Variants in ZNF831 observed in about 807,000 individuals in gnomAD.
The protein encoded by ZNF831 is chromosome 20 open reading frame 174.
ZNF831 carries 59 observed loss-of-function variants against 95.8 expected under a neutral mutation model. That is an observed-to-expected ratio of 0.62 (90% CI 0.50 to 0.77). The LOEUF is 0.77. ZNF831 is among the 30% of genes least tolerant of loss of function. ZNF831 has a pLI of 0.00. For synonymous variants in ZNF831, 961 were observed against 925.5 expected (o/e 1.04, Z -0.70); for missense variants, 2,205 against 2,164.0 (o/e 1.02, Z -0.38).
At position 59,136,653 on chromosome 20, in the gene ZNF831, T is replaced by C. The variant is rs556040278; in HGVS notation, c.-1424-9578T>C. On this transcript the variant is annotated intron_variant, in intron 1 of 7. Transcript: ENST00000637017. ...CCCCTCCTCTGAGCTTTCATCCTGA[T>C]ATTTGGCTCATTCTAGGATAAAATG... 2.6e-5 allele frequency among the ~76,000 whole-genome samples: 4 copies of C among 152,350 alleles called. No individual in the cohort carries two copies. In the East Asian group the frequency reaches 7.7e-4, roughly 29 times the overall value.
intron 1 of ZNF831, among the ~76,000 whole-genome samples, chr20:59,131,507 G>T (rs1201172314): frequency 2.0e-5 from 3 of 152,202 alleles, no homozygotes; most frequent in South Asian, 2.1e-4. Flanking sequence ...AGTGTGTCTG[G>T]CTCCAGAAGT....
intron 1 of ZNF831, among the ~76,000 whole-genome samples, chr20:59,141,504 C>A (rs971190233): frequency 6.6e-6 from 1 of 152,180 alleles, no homozygotes; most frequent in African/African-American, 2.4e-5. Context: ...TGCTTTTGCA[C>A]CTTTGTCAAA....
chr20:59,253,151 A>T lies in ZNF831; in HGVS notation c.4188+13A>T, dbSNP rs751167405. 6.2e-7 allele frequency: 1 copy of T among 1,613,668 alleles called. No homozygotes were observed. On this transcript the variant is annotated intron_variant, in intron 5 of 5. Coordinates refer to ENST00000371030, the MANE Select transcript of ZNF831 (RefSeq NM_178457.3). ...ACGAACTGTGAAGGTGGGCATGATG[A>T]TTTTGAGCTGCCTCTACCTATTCCT...
intron 4 of ZNF831, among the ~76,000 whole-genome samples, chr20:59,252,547 A>G (rs1486284030): frequency 6.6e-6 from 1 of 152,194 alleles, no homozygotes; most frequent in East Asian, 1.9e-4. Context: ...CCAGCACTCT[A>G]GTGGGAATTA....
At chr20:59,132,816 C>G (rs902182265) in intron 1 of ZNF831, among the ~76,000 whole-genome samples, 1 of 152,264 alleles carries the variant, frequency 6.6e-6, no homozygotes, top group African/African-American at 2.4e-5. Flanking sequence ...GCTTCTCCAG[C>G]CTTGCTGGCC....
chr20:59,128,961 C>T (rs1464888502), intron 1 of ZNF831, among the ~76,000 whole-genome samples: 1 of 152,068 alleles, frequency 6.6e-6, no homozygotes, highest in East Asian at 1.9e-4. Flanking sequence ...GGGGTTTCAC[C>T]CGTTGTTGGC....
chr20:59,133,971 C>G (rs1275957407), intron 1 of ZNF831, among the ~76,000 whole-genome samples: 2 of 152,186 alleles, frequency 1.3e-5, no homozygotes, highest in African/African-American at 2.4e-5. Context: ...TGGGCTTGGC[C>G]CATGGTGGGG....
Position 59,207,024 on chromosome 20 carries a change from G to A in ZNF831, c.3995G>A (p.Arg1332Lys). The A allele has an allele frequency of 6.2e-7, 1 of 1,614,220 alleles. No individual in the cohort carries two copies. The highest frequency in any genetic ancestry group is 8.5e-7 in the Non-Finnish European group (1 of 1,180,048). The change falls in exon 4 of 6, where the codon AGG becomes AAG. Residue 1332 changes from arginine to lysine, a missense_variant. By Grantham distance (26) the Arg-to-Lys change is conservative. Transcript: ENST00000371030. Reference sequence around the variant, plus strand: ...GCACTTGAGGGACTGAAGCCATGCAGGACCCCTGGGCAGACCTCTTCAGAA... The same window carrying A: ...GCACTTGAGGGACTGAAGCCATGCAAGACCCCTGGGCAGACCTCTTCAGAA... ...PPALEGLKPC[R>K]TPGQTSSEIA...
At chr20:59,176,382 T>G (rs566023033) in intron 1 of ZNF831, among the ~76,000 whole-genome samples, 2 of 152,318 alleles carry the variant, frequency 1.3e-5, no homozygotes, top group South Asian at 4.1e-4. Flanking sequence ...TTGATTATGT[T>G]GGTTGTTACA....
intron 4 of ZNF831, among the ~76,000 whole-genome samples, chr20:59,219,590 C>T (rs562720581): frequency 5.3e-5 from 8 of 152,198 alleles, no homozygotes; most frequent in Non-Finnish European, 8.8e-5. Flanking sequence ...ATGCTTCCGA[C>T]GCTCACCCCA....
chr20:59,184,127 A>G (rs1011359080), intron 1 of ZNF831, among the ~76,000 whole-genome samples: 3 of 152,162 alleles, frequency 2.0e-5, no homozygotes, highest in Admixed American at 6.5e-5. Flanking sequence ...CACACAAGAC[A>G]AAGTCTTTTC....
At chr20:59,134,773 G>A (rs1359120138) in intron 1 of ZNF831, among the ~76,000 whole-genome samples, 6 of 152,198 alleles carry the variant, frequency 3.9e-5, no homozygotes, top group Non-Finnish European at 8.8e-5. Flanking sequence ...GGAGCCACAT[G>A]GGTTGGGGTG....
chr20:59,142,168 G>T (rs1979703580), intron 1 of ZNF831, among the ~76,000 whole-genome samples: 1 of 152,208 alleles, frequency 6.6e-6, no homozygotes. Context: ...GTTGAGTGAT[G>T]GGTAGTAGAG....
intron 1 of ZNF831, among the ~76,000 whole-genome samples, chr20:59,165,306 G>GAGA (rs1981171392): frequency 6.6e-6 from 1 of 152,154 alleles, no homozygotes. Context: ...AGAGAACCAA[G>GAGA]ACTGTAAAAG....
At chr20:59,227,147 C>A (rs1164023278) in intron 4 of ZNF831, among the ~76,000 whole-genome samples, 2 of 152,142 alleles carry the variant, frequency 1.3e-5, no homozygotes, top group East Asian at 3.9e-4. Flanking sequence ...TTTTTCTAAA[C>A]CAATTTTCTC....
intron 4 of ZNF831, among the ~76,000 whole-genome samples, chr20:59,247,825 T>TA (rs1481579676): frequency 1.3e-5 from 2 of 152,342 alleles, no homozygotes; most frequent in South Asian, 2.1e-4. Context: ...TCAAATTACT[T>TA]ACATTTTTAG....
At chr20:59,162,902 G>A (rs1303659624), upstream of ZNF831, among the ~76,000 whole-genome samples, 1 of 152,066 alleles carries the variant, frequency 6.6e-6, no homozygotes, top group East Asian at 1.9e-4. Flanking sequence ...ATGATATTGA[G>A]TCTTATAATC....
At chr20:59,172,651 T>C (rs1469673367) in intron 1 of ZNF831, among the ~76,000 whole-genome samples, 1 of 152,166 alleles carries the variant, frequency 6.6e-6, no homozygotes, top group Admixed American at 6.5e-5. Flanking sequence ...CCGGCCTCAC[T>C]AAATGCAGGT....
intron 4 of ZNF831, among the ~76,000 whole-genome samples, chr20:59,215,955 A>G (rs1985650444): frequency 6.6e-6 from 1 of 152,206 alleles, no homozygotes; most frequent in African/African-American, 2.4e-5. Context: ...CCTTCTGCTA[A>G]AAAGAGATTT....
Sources: allele counts gnomAD v4.1 joint callset (sites outside exome capture counted in the v4.1 genomes callset), GRCh38; gene constraint gnomAD v4.1.1; transcripts MANE v1.5; gene names NCBI Gene and HGNC (gene_info 2026-07-23, HGNC 2026-07-21).